The following RHEB variants were observed in gnomAD, a reference collection of about 807,000 sequenced individuals.
RHEB encodes the protein Ras homolog, mTORC1 binding.
A neutral mutation model predicts 28.8 loss-of-function variants in RHEB; 2 were observed. The observed-to-expected ratio is 0.07, with a 90% CI of 0.03 to 0.22. RHEB has a LOEUF of 0.22. Ranked by LOEUF, RHEB falls within the 10% of genes least tolerant of loss-of-function variation. The pLI, the probability that RHEB is intolerant of heterozygous loss-of-function variation, is 1.00. For missense variants in RHEB, 76 were observed against 219.9 expected, an observed-to-expected ratio of 0.35 and a Z score of 4.14; for synonymous variants, 69 against 77.3, an observed-to-expected ratio of 0.89 and a Z score of 0.56.
At chr7:151,484,306 T>C (rs17173160) in intron 3 of RHEB, among the ~76,000 whole-genome samples, 11,598 of 152,120 alleles carry the variant, frequency 0.076, 637 homozygotes, top group African/African-American at 0.15. Context: ...GTTTAGAAAA[T>C]AGAAAACCAC....
chr7:151,516,404 C>T (rs1377190008), intron 1 of RHEB, among the ~76,000 whole-genome samples: 2 of 152,006 alleles, frequency 1.3e-5, no homozygotes, highest in Non-Finnish European at 2.9e-5. Context: ...GCAGGTGGAT[C>T]ACGAGGTCAG....
intron 1 of RHEB, among the ~76,000 whole-genome samples, chr7:151,516,939 C>A (rs569054923): frequency 2.6e-5 from 4 of 152,250 alleles, no homozygotes; most frequent in African/African-American, 9.6e-5. Flanking sequence ...CCAGTAAGCT[C>A]CCAGAAGTGA....
rs1016343797 is a variant in RHEB, at chr7:151,494,316, C to A, written c.53-3302G>T. 2.0e-5 allele frequency among the ~76,000 whole-genome samples: 3 copies of A among 152,226 alleles called. No homozygotes were observed. In the South Asian group the frequency reaches 6.2e-4, roughly 32 times the overall value. On this transcript the variant is annotated intron_variant, in intron 1 of 7. Coordinates refer to ENST00000262187, the MANE Select transcript of RHEB (RefSeq NM_005614.4). ...TGAACTGGCACTGGCCAAGTCTCGA[C>A]AACCTGACTTGCGGGAGTGAAGGGA...
chr7:151,510,340 C>A (rs530146519), intron 1 of RHEB, among the ~76,000 whole-genome samples: 1 of 152,318 alleles, frequency 6.6e-6, no homozygotes, highest in South Asian at 2.1e-4. Flanking sequence ...TGCCTGAGTT[C>A]AAAATCCTGG....
chr7:151,519,622 G>A lies in RHEB; in HGVS notation c.-111C>T. 1.0e-6 allele frequency: 1 copy of A among 975,478 alleles called. No homozygotes were observed. Among genetic ancestry groups the A allele is most frequent in the African/African-American group, 1.7e-5 (1 of 58,688 alleles). The allele number at this position is 975,478 out of a possible 1,614,324, so 60.4% of individuals were successfully genotyped here. On this transcript the variant is annotated 5_prime_UTR_variant, in exon 1 of 8. Transcript: ENST00000262187. ...GGAGAGAGCGGCATACAGAGCAGGG[G>A]CGGCGGCGGGCGCGGCTGCCTCTCG...
chr7:151,503,905 C>T (rs993556478), intron 1 of RHEB, among the ~76,000 whole-genome samples: 12 of 152,042 alleles, frequency 7.9e-5, no homozygotes, highest in African/African-American at 1.2e-4. Flanking sequence ...TGCTGCATTT[C>T]GCAGTGATCC....
chr7:151,477,800 G>A (rs1488804608), intron 3 of RHEB, among the ~76,000 whole-genome samples: 1 of 152,098 alleles, frequency 6.6e-6, no homozygotes, highest in Non-Finnish European at 1.5e-5. Flanking sequence ...CCATAAATCT[G>A]TATTTTTATA....
chr7:151,482,665 A>T (rs532785574), intron 3 of RHEB, among the ~76,000 whole-genome samples: 14 of 152,330 alleles, frequency 9.2e-5, no homozygotes, highest in African/African-American at 3.4e-4. Context: ...TCAGAGTCCC[A>T]CAATAAACAG....
chr7:151,503,763 G>GA (rs58779947), intron 1 of RHEB, among the ~76,000 whole-genome samples: 8,234 of 119,598 alleles, frequency 0.069, 610 homozygotes, highest in African/African-American at 0.19. Flanking sequence ...TGTATTTTAT[G>GA]AAAAAAAAAA....
intron 2 of RHEB, among the ~76,000 whole-genome samples, chr7:151,486,750 A>G (rs572590544): frequency 1.3e-5 from 2 of 152,294 alleles, no homozygotes; most frequent in East Asian, 1.9e-4. Context: ...GACTATCACA[A>G]TCTATAGAGG....
rs1264392306 is a variant in RHEB, at chr7:151,466,833, A to T, written c.*286T>A. Reference sequence around the variant, plus strand: ...CATTTTGATGATTACATTATTTTAAACAACAAACTACACTGAAAAATTAAT... The same window carrying T: ...CATTTTGATGATTACATTATTTTAATCAACAAACTACACTGAAAAATTAAT... On this transcript the variant is annotated 3_prime_UTR_variant, in exon 8 of 8. Coordinates refer to ENST00000262187, the MANE Select transcript of RHEB (RefSeq NM_005614.4). 3.2e-6 allele frequency: 1 copy of T among 314,918 alleles called. No homozygotes were observed. The highest frequency in any genetic ancestry group is 2.1e-5 in the African/African-American group (1 of 46,742). 19.5% of individuals were successfully genotyped at this position (314,918 alleles called of 1,614,324 possible).
chr7:151,508,926 C>T (rs552137888), intron 1 of RHEB, among the ~76,000 whole-genome samples: 2 of 152,256 alleles, frequency 1.3e-5, no homozygotes, highest in Non-Finnish European at 2.9e-5. Flanking sequence ...GGAAGGTAGG[C>T]TCATTTTGTG....
intron 3 of RHEB, among the ~76,000 whole-genome samples, chr7:151,481,006 A>T (rs1427815371): frequency 3.3e-5 from 5 of 150,534 alleles, no homozygotes; most frequent in African/African-American, 7.3e-5. Flanking sequence ...AGGTTGCAAA[A>T]TTTTTTTTTT....
chr7:151,519,682 C>G lies in RHEB; in HGVS notation c.-171G>C, dbSNP rs1043956109. 1 of 449,584 alleles carries G rather than the reference C, an allele frequency of 2.2e-6. No individual in the cohort carries two copies. The highest frequency in any genetic ancestry group is 3.6e-6 in the Non-Finnish European group (1 of 279,624). The allele number at this position is 449,584 out of a possible 1,614,324, so 27.8% of individuals were successfully genotyped here. Reference sequence around the variant, plus strand: ...TCGCGCGCTCCCAACCGCCCGGAACCGACCGCGCGGCGGCGCCCCTCCCCC... The same window carrying G: ...TCGCGCGCTCCCAACCGCCCGGAACGGACCGCGCGGCGGCGCCCCTCCCCC... On this transcript the variant is annotated 5_prime_UTR_variant, in exon 1 of 8. Coordinates refer to ENST00000262187, the MANE Select transcript of RHEB (RefSeq NM_005614.4).
At chr7:151,497,244 T>C (rs567146119) in intron 1 of RHEB, among the ~76,000 whole-genome samples, 1 of 152,294 alleles carries the variant, frequency 6.6e-6, no homozygotes, top group African/African-American at 2.4e-5. Flanking sequence ...GCTTCTTCCT[T>C]GCCTCCAACA....
chr7:151,477,469 ACTTTACCCAAAGTTTTTCATGTATTAC>A lies in RHEB; in HGVS notation c.193-81_193-55del, dbSNP rs1191961464. The A allele has an allele frequency of 3.9e-6, 4 of 1,026,926 alleles. No individual in the cohort carries two copies. In the East Asian group the frequency reaches 9.9e-5, roughly 25 times the overall value. 63.6% of individuals were successfully genotyped at this position (1,026,926 alleles called of 1,614,324 possible). On this transcript the variant is annotated intron_variant, in intron 3 of 7. Coordinates refer to ENST00000262187, the MANE Select transcript of RHEB (RefSeq NM_005614.4). ...AGTCTTCATATAGCATCACAAACAA[ACTTTACCCAAAGTTTTTCATGTATTAC>A]CTGAAGAAATCAAAGTAGACGCAGA...
intron 2 of RHEB, 96 bp from the exon 3 acceptor site, chr7:151,484,900 T>A: frequency 1.3e-6 from 1 of 762,920 alleles, no homozygotes; most frequent in Non-Finnish European, 2.2e-6. Flanking sequence ...ACAGAGTCCC[T>A]AGCAGTCTCA....
At chr7:151,517,298 G>A (rs1312795702) in intron 1 of RHEB, among the ~76,000 whole-genome samples, 2 of 151,466 alleles carry the variant, frequency 1.3e-5, no homozygotes, top group African/African-American at 4.9e-5. Context: ...AGTCCGGGGC[G>A]TGGAGGATGC....
At chr7:151,508,865 GCT>G (rs769741099) in intron 1 of RHEB, among the ~76,000 whole-genome samples, 2 of 151,976 alleles carry the variant, frequency 1.3e-5, no homozygotes, top group Non-Finnish European at 2.9e-5. Flanking sequence ...TATAAATTTA[GCT>G]CCCTAAATTT....
Sources: gnomAD v4.1 joint callset for allele counts (sites outside exome capture counted in the v4.1 genomes callset) on GRCh38, gnomAD v4.1.1 for gene constraint, MANE v1.5 for transcripts, NCBI Gene and HGNC (gene_info 2026-07-23, HGNC 2026-07-21) for gene names.